RSPH4A: variants seen among roughly 807,000 people sequenced by gnomAD.
RSPH4A encodes the protein radial spoke head component 4A.
RSPH4A carries 47 observed loss-of-function variants against 71.0 expected under a neutral mutation model. The ratio of observed to expected loss-of-function variants is 0.66; its 90% CI spans 0.52 to 0.84. The LOEUF (loss-of-function observed/expected upper bound fraction) is 0.84. Ranked by LOEUF, RSPH4A falls within the 40% of genes least tolerant of loss-of-function variation. The pLI is 0.00. For missense variants in RSPH4A, 793 were observed against 855.2 expected (o/e 0.93, Z 0.91); for synonymous variants, 282 against 302.3 (o/e 0.93, Z 0.70).
intron 3 of RSPH4A, 38 bp downstream of exon 3, chr6:116,628,407 G>T: frequency 6.7e-7 from 1 of 1,496,326 alleles, no homozygotes; most frequent in South Asian, 1.1e-5. Context: ...CAGGTAATTA[G>T]GCAAATATTC....
Position 116,627,729 on chromosome 6 carries a change from T to A in RSPH4A, c.1022T>A (p.Leu341His), listed in dbSNP as rs1263440360. The change falls in exon 3 of 6, where the codon CTC becomes CAC. Residue 341 changes from leucine to histidine, a missense_variant. Physicochemically the swap from Leu to His is moderately conservative, Grantham distance 99 (BLOSUM62 -3). Transcript: ENST00000229554. ...GAGACATACCGCATATTTCTTGCCC[T>A]CAAGCAGCTTACTGATACCCACCCA... ...TDETYRIFLA[L>H]KQLTDTHPIQ... The A allele has an allele frequency of 6.2e-7, 1 of 1,614,218 alleles. No homozygotes were observed. The highest frequency in any genetic ancestry group is 2.2e-5 in the East Asian group (1 of 44,872).
At chr6:116,621,424 T>C (rs1775606098) in intron 1 of RSPH4A, among the ~76,000 whole-genome samples, 1 of 152,178 alleles carries the variant, frequency 6.6e-6, no homozygotes, top group Non-Finnish European at 1.5e-5. Context: ...GGTCAATTAA[T>C]AGAAAGTAGA....
At position 116,623,019 on chromosome 6, in the gene RSPH4A, A is replaced by G. The variant is rs1226583468; in HGVS notation, c.921+17A>G. ...GATGAAATAGTAAGTCACTACTACA[A>G]ATTTTAATAATAAACCTTAGGATTT... On this transcript the variant is annotated intron_variant, in intron 2 of 5. Coordinates refer to ENST00000229554, the MANE Select transcript of RSPH4A (RefSeq NM_001010892.3). The G allele has an allele frequency of 7.1e-7, 1 of 1,402,660 alleles. No homozygotes were observed. The highest frequency in any genetic ancestry group is 2.3e-5 in the East Asian group (1 of 43,876). The allele number at this position is 1,402,660 out of a possible 1,614,324, so 86.9% of individuals were successfully genotyped here.
chr6:116,630,558 T>TA lies in RSPH4A; in HGVS notation c.1916+7dup. 1 of 1,335,644 alleles carries TA rather than the reference T, an allele frequency of 7.5e-7. No individual in the cohort carries two copies. Among genetic ancestry groups the TA allele is most frequent in the South Asian group, 1.2e-5 (1 of 85,444 alleles). 82.7% of individuals were successfully genotyped at this position (1,335,644 alleles called of 1,614,324 possible). A position where few individuals can be genotyped will look rare whatever the true frequency, so the allele number is the denominator to read the frequency against. On this transcript the variant is annotated splice_region_variant and intron_variant, in intron 5 of 5. Coordinates refer to ENST00000229554, the MANE Select transcript of RSPH4A (RefSeq NM_001010892.3). Reference sequence around the variant, plus strand: ...TATGCCTTCTCCAATGGCAAGTAAGTATCTGACCACTTACAAAGCCATTTC... The same window carrying TA: ...TATGCCTTCTCCAATGGCAAGTAAGTAATCTGACCACTTACAAAGCCATTTC...
At position 116,630,419 on chromosome 6, in the gene RSPH4A, T is replaced by G; in HGVS notation, c.1799-16T>G. The G allele has an allele frequency of 7.3e-7, 1 of 1,367,214 alleles. No homozygotes were observed. Among genetic ancestry groups the G allele is most frequent in the Non-Finnish European group, 1.0e-6 (1 of 955,258 alleles). The allele number at this position is 1,367,214 out of a possible 1,614,324, so 84.7% of individuals were successfully genotyped here. A position where few individuals can be genotyped will look rare whatever the true frequency, so the allele number is the denominator to read the frequency against. On this transcript the variant is annotated splice_polypyrimidine_tract_variant and intron_variant, in intron 4 of 5. Coordinates refer to ENST00000229554, the MANE Select transcript of RSPH4A (RefSeq NM_001010892.3). Reference sequence around the variant, plus strand: ...TAGTTAGGAATTAAGCTTTTGCATTTCTCTTTGGGTTCCAGAGATTCAGAA... The same window carrying G: ...TAGTTAGGAATTAAGCTTTTGCATTGCTCTTTGGGTTCCAGAGATTCAGAA...
At chr6:116,620,008 C>T (rs1344033618) in intron 1 of RSPH4A, among the ~76,000 whole-genome samples, 1 of 152,210 alleles carries the variant, frequency 6.6e-6, no homozygotes, top group Non-Finnish European at 1.5e-5. Flanking sequence ...CGTGAGCCAC[C>T]ACACCCAGCC....
rs562681231 is a variant in RSPH4A at position 116,631,268 on chromosome 6, G to A, written c.1916+716G>A. Among the ~76,000 whole-genome samples, 6 of 152,290 alleles carry A rather than the reference G, an allele frequency of 3.9e-5. No individual in the cohort carries two copies. In the East Asian group the frequency reaches 9.6e-4, roughly 24 times the overall value. On this transcript the variant is annotated intron_variant, in intron 5 of 5. Coordinates refer to ENST00000229554, the MANE Select transcript of RSPH4A (RefSeq NM_001010892.3). ...AGATCATTTCTGGAGAGAAAGCTGAGCGGCCAGGTGTTAGAGTAGCCATTA... is the reference window on the plus strand; with the variant it reads ...AGATCATTTCTGGAGAGAAAGCTGAACGGCCAGGTGTTAGAGTAGCCATTA...
At position 116,622,788 on chromosome 6, in the gene RSPH4A, T is replaced by C. The variant is rs767083925; in HGVS notation, c.707T>C (p.Met236Thr). The C allele has an allele frequency of 2.5e-6, 4 of 1,604,628 alleles. No individual in the cohort carries two copies. The highest frequency in any genetic ancestry group is 3.3e-5 in the Admixed American group (2 of 60,010). Residue 236 changes from methionine to threonine, a missense_variant, in exon 2 of 6, where the codon ATG becomes ACG. By Grantham distance (81) the Met-to-Thr change is moderately conservative. Transcript: ENST00000229554. ...GATAGATATGATCATCTTTCTAATATGTTGACCAAGATATTAAATGAGCGT... is the reference window on the plus strand; with the variant it reads ...GATAGATATGATCATCTTTCTAATACGTTGACCAAGATATTAAATGAGCGT... Reference protein sequence around the residue: ...GFNLYDHLSNMLTKILNERPE... With the variant: ...GFNLYDHLSNTLTKILNERPE...
At chr6:116,626,030 C>T (rs1775687117) in intron 2 of RSPH4A, among the ~76,000 whole-genome samples, 1 of 152,144 alleles carries the variant, frequency 6.6e-6, no homozygotes, top group Admixed American at 6.5e-5. Context: ...GATATTTTGA[C>T]AACATCAACA....
intron 3 of RSPH4A, 24 bp downstream of exon 3, chr6:116,628,393 C>G: frequency 6.4e-7 from 1 of 1,562,590 alleles, no homozygotes; most frequent in Non-Finnish European, 8.8e-7. Context: ...ACTTCTCAAT[C>G]TATCAGGTAA....
chr6:116,619,722 AT>A (rs1250390200), intron 1 of RSPH4A, among the ~76,000 whole-genome samples: 3 of 151,720 alleles, frequency 2.0e-5, no homozygotes, highest in African/African-American at 4.8e-5. Flanking sequence ...TTATTAGTTA[AT>A]TTTTTTTTCT....
Position 116,616,687 on chromosome 6 carries a change from C to T in RSPH4A, c.64C>T (p.Arg22Trp), listed in dbSNP as rs757528263. 1 of 1,614,112 alleles carries T rather than the reference C, an allele frequency of 6.2e-7. No individual in the cohort carries two copies. The highest frequency in any genetic ancestry group is 1.6e-4 in the Middle Eastern group (1 of 6,062). ...CCAAGAAGAACTAGGGGAAACAAGGCGGCCATGGGAAGGAAAGACAGCAGC... is the reference window on the plus strand; with the variant it reads ...CCAAGAAGAACTAGGGGAAACAAGGTGGCCATGGGAAGGAAAGACAGCAGC... ...ENQEELGETR[R>W]PWEGKTAASP... The change falls in exon 1 of 6, where the codon CGG (arginine) becomes TGG (tryptophan). Residue 22 changes from arginine to tryptophan, a missense_variant. By Grantham distance (101) the Arg-to-Trp change is moderately radical (BLOSUM62 -3). Transcript: ENST00000229554.
rs784134 is a variant in RSPH4A, at chr6:116,630,654, T to G, written c.1916+102T>G. ...TAAGCTACTATCGTTGTTTCTTTGG[T>G]TTTTTTTTTCGTGTTTTTTTTTTTT... On this transcript the variant is annotated intron_variant, in intron 5 of 5. Transcript: ENST00000229554. 5,645 of 580,110 alleles carry G rather than the reference T, an allele frequency of 9.7e-3. 55 individuals carry two copies. The highest frequency in any genetic ancestry group is 0.011 in the Non-Finnish European group (3,747 of 330,382). 35.9% of individuals were successfully genotyped at this position (580,110 alleles called of 1,614,324 possible).
At position 116,629,679 on chromosome 6, in the gene RSPH4A, T is replaced by A. The variant is rs756097774; in HGVS notation, c.1775T>A (p.Leu592Ter). 6.2e-7 allele frequency: 1 copy of A among 1,612,322 alleles called. No individual in the cohort carries two copies. Among genetic ancestry groups the A allele is most frequent in the Non-Finnish European group, 8.5e-7 (1 of 1,178,518 alleles). The change falls in exon 4 of 6, where the codon TTG becomes TAG. Residue 592 changes from leucine (L) to a stop codon, truncating the protein, a stop_gained. Transcript: ENST00000229554. LOFTEE classifies it high-confidence loss of function. ...GAACAGGAAGTGGGGCTTCCTCTTT[T>A]GACACCAATCTCTGAAGATTTAGGT... ...YIEQEVGLPL[L>*]TPISEDLEIQ...
chr6:116,632,620 A>G lies in RSPH4A; in HGVS notation c.*179A>G, dbSNP rs115167194. ...AAATTTCATAGGTAGAAATATTAGC[A>G]TTTTTATTGAAAGATACTCACAGGA... On this transcript the variant is annotated 3_prime_UTR_variant, in exon 6 of 6. Transcript: ENST00000229554. 1.1e-3 allele frequency: 829 copies of G among 761,064 alleles called. 5 individuals carry two copies. In the African/African-American group the frequency reaches 0.013, roughly 12 times the overall value. 47.1% of individuals were successfully genotyped at this position (761,064 alleles called of 1,614,324 possible).
At chr6:116,625,536 A>G (rs1775680249) in intron 2 of RSPH4A, among the ~76,000 whole-genome samples, 1 of 150,508 alleles carries the variant, frequency 6.6e-6, no homozygotes, top group South Asian at 2.1e-4. Context: ...AACTCTGATC[A>G]TAATATGAAA....
In RSPH4A at chr6:116,630,452, C is replaced by G. The variant is rs189421935; in HGVS notation, c.1816C>G (p.Pro606Ala). The part of the protein sequence containing the change: ...SEDLEIQNIP[P>A]WTTRLSSNLI... ...GGTTCCAGAGATTCAGAATATACCC[C>G]CCTGGACAACACGGTTATCCTCAAA... Residue 606 changes from proline to alanine, a missense_variant, in exon 5 of 6, where the codon CCC (proline) becomes GCC (alanine). Coordinates refer to ENST00000229554, the MANE Select transcript of RSPH4A (RefSeq NM_001010892.3). 6.9e-6 allele frequency: 11 copies of G among 1,593,836 alleles called. No homozygotes were observed. Among genetic ancestry groups the G allele is most frequent in the Middle Eastern group, 1.7e-4 (1 of 6,024 alleles).
At position 116,627,940 on chromosome 6, in the gene RSPH4A, C is replaced by T; in HGVS notation, c.1233C>T (p.Tyr411=). 6.2e-7 allele frequency: 1 copy of T among 1,614,134 alleles called. No homozygotes were observed. Among genetic ancestry groups the T allele is most frequent in the Non-Finnish European group, 8.5e-7 (1 of 1,180,002 alleles). ...DEEDELPKSF[Y]KAPQAIPKEE... Reference sequence around the variant, plus strand: ...AAGATGAATTACCAAAGTCCTTTTACAAGGCCCCACAGGCTATACCAAAAG... The same window carrying T: ...AAGATGAATTACCAAAGTCCTTTTATAAGGCCCCACAGGCTATACCAAAAG... The change falls in exon 3 of 6, where the codon TAC becomes TAT. Residue 411 remains tyrosine, a synonymous_variant. Transcript: ENST00000229554.
intron 1 of RSPH4A, among the ~76,000 whole-genome samples, chr6:116,619,650 TA>T (rs1391849744): frequency 1.3e-5 from 2 of 150,488 alleles, no homozygotes; most frequent in South Asian, 2.1e-4. Context: ...GTCTAAGGAA[TA>T]AAAAAATTAA....
Sources: allele counts gnomAD v4.1 joint callset (sites outside exome capture counted in the v4.1 genomes callset), GRCh38; gene constraint gnomAD v4.1.1; transcripts MANE v1.5; gene names NCBI Gene and HGNC (gene_info 2026-07-23, HGNC 2026-07-21).